The following MDM4 variants were observed in gnomAD, a reference collection of about 807,000 sequenced individuals.
MDM4 encodes the protein MDM4 regulator of p53, also known as protein Mdm4.
Under a neutral mutation model 60.2 loss-of-function variants are expected in MDM4, and 2 were observed. That is an observed-to-expected ratio of 0.03 (90% CI 0.01 to 0.10). The LOEUF (loss-of-function observed/expected upper bound fraction) is 0.10, where lower values mean the gene tolerates loss of function less well. Ranked by LOEUF, MDM4 falls within the 10% of genes least tolerant of loss-of-function variation. The pLI is 1.00. For synonymous variants in MDM4, 202 were observed against 198.1 expected (o/e 1.02, Z -0.17); for missense variants, 447 against 577.5 (o/e 0.77, Z 2.32).
chr1:204,546,246 A>G (rs1214752548), intron 9 of MDM4, among the ~76,000 whole-genome samples: 2 of 152,188 alleles, frequency 1.3e-5, no homozygotes, highest in Non-Finnish European at 2.9e-5. Context: ...TCTGTCACCC[A>G]GGCTGGAGTG....
chr1:204,519,915 T>C (rs1659389445), intron 1 of MDM4, among the ~76,000 whole-genome samples: 2 of 152,102 alleles, frequency 1.3e-5, no homozygotes, highest in South Asian at 4.2e-4. Flanking sequence ...TGAATTAGAA[T>C]TCTAGAAGGA....
Position 204,558,070 on chromosome 1 carries a change from A to C in MDM4, c.*8388A>C, listed in dbSNP as rs1158711540. ...GGTGTTTGCACTATGTAATGCTTTT[A>C]ATACTTTTTAATTGTGCTTTTTTAT... On this transcript the variant is annotated 3_prime_UTR_variant, in exon 11 of 11. Coordinates refer to ENST00000367182, the MANE Select transcript of MDM4 (RefSeq NM_002393.5). 5.5e-6 allele frequency: 1 copy of C among 182,610 alleles called. No homozygotes were observed. Among genetic ancestry groups the C allele is most frequent in the Non-Finnish European group, 1.2e-5 (1 of 85,990 alleles). 11.3% of individuals were successfully genotyped at this position (182,610 alleles called of 1,614,324 possible).
intron 5 of MDM4, among the ~76,000 whole-genome samples, chr1:204,536,486 A>G (rs1272207960): frequency 6.6e-6 from 1 of 152,210 alleles, no homozygotes; most frequent in East Asian, 1.9e-4. Flanking sequence ...AGCAGCCTTT[A>G]TCAGATGGTG....
At chr1:204,523,473 ATTTTT>A (rs60954516) in intron 1 of MDM4, among the ~76,000 whole-genome samples, 25 of 58,948 alleles carry the variant, frequency 4.2e-4, no homozygotes, top group African/African-American at 1.1e-3. Context: ...CCTAAAAAAA[ATTTTT>A]TTTTTTTTTT....
At chr1:204,541,960 G>A (rs189824740) in intron 7 of MDM4, among the ~76,000 whole-genome samples, 2 of 152,290 alleles carry the variant, frequency 1.3e-5, no homozygotes, top group African/African-American at 4.8e-5. Context: ...AAGTAAGAAA[G>A]GAGCAGTAGA....
chr1:204,526,289 G>A (rs979228172), intron 2 of MDM4, 71 bp from the exon 3 acceptor site: 1 of 1,335,246 alleles, frequency 7.5e-7, no homozygotes, highest in African/African-American at 1.5e-5. Flanking sequence ...GTTTAAAGAG[G>A]TTCTCTTGTT....
chr1:204,556,883 T>A lies in MDM4; in HGVS notation c.*7201T>A, dbSNP rs1571482624. 1 of 208,442 alleles carries A rather than the reference T, an allele frequency of 4.8e-6. No homozygotes were observed. Among genetic ancestry groups the A allele is most frequent in the African/African-American group, 2.3e-5 (1 of 43,888 alleles). 12.9% of individuals were successfully genotyped at this position (208,442 alleles called of 1,614,324 possible). A position where few individuals can be genotyped will look rare whatever the true frequency, so the allele number is the denominator to read the frequency against. On this transcript the variant is annotated 3_prime_UTR_variant, in exon 11 of 11. Coordinates refer to ENST00000367182, the MANE Select transcript of MDM4 (RefSeq NM_002393.5). ...TTGGCTTCCTCAGCACTTGGCAAGG[T>A]AGACCTCATAGCAACCTTGAATATG...
At chr1:204,523,007 C>G (rs748844959) in intron 1 of MDM4, among the ~76,000 whole-genome samples, 2 of 151,634 alleles carry the variant, frequency 1.3e-5, no homozygotes, top group African/African-American at 4.8e-5. Context: ...GGATTACATG[C>G]ATGTGCCACC....
intron 3 of MDM4, among the ~76,000 whole-genome samples, chr1:204,527,799 A>C (rs1394849239): frequency 2.0e-5 from 3 of 152,108 alleles, no homozygotes; most frequent in Non-Finnish European, 2.9e-5. Flanking sequence ...TAATGTTGGG[A>C]ACTGCTTTCA....
At chr1:204,519,541 G>A (rs1189789633) in intron 1 of MDM4, among the ~76,000 whole-genome samples, 1 of 152,114 alleles carries the variant, frequency 6.6e-6, no homozygotes. Context: ...GAAAAATACA[G>A]TGGTTGGATT....
At position 204,538,190 on chromosome 1, in the gene MDM4, C is replaced by A; in HGVS notation, c.412-19C>A. ...CAGTTATTTCTACTGCACTGATGGA[C>A]ACCTTTCCCTTCTTTCAGCAAAGTG... is the stretch of plus-strand genomic sequence containing the variant. On this transcript the variant is annotated intron_variant, in intron 6 of 10. Transcript: ENST00000367182. The A allele has an allele frequency of 1.4e-6, 2 of 1,414,218 alleles. No individual in the cohort carries two copies. Among genetic ancestry groups the A allele is most frequent in the Non-Finnish European group, 2.0e-6 (2 of 998,944 alleles). The allele number at this position is 1,414,218 out of a possible 1,614,324, so 87.6% of individuals were successfully genotyped here. A position where few individuals can be genotyped will look rare whatever the true frequency, so the allele number is the denominator to read the frequency against.
chr1:204,519,478 A>T (rs1558307527), intron 1 of MDM4, among the ~76,000 whole-genome samples: 2 of 152,176 alleles, frequency 1.3e-5, no homozygotes, highest in East Asian at 3.9e-4. Context: ...TTGCACTCCA[A>T]CCTGGGCAAC....
chr1:204,533,858 C>T (rs1443648982), intron 5 of MDM4, among the ~76,000 whole-genome samples: 2 of 150,324 alleles, frequency 1.3e-5, no homozygotes, highest in Non-Finnish European at 2.9e-5. Flanking sequence ...TCATAGTTCA[C>T]TGCAGCCTTT....
chr1:204,547,717 A>G (rs1662802438), intron 10 of MDM4, among the ~76,000 whole-genome samples: 1 of 152,202 alleles, frequency 6.6e-6, no homozygotes, highest in South Asian at 2.1e-4. Context: ...AATAACAGAG[A>G]TAAATGTTTC....
chr1:204,549,543 G>T lies in MDM4; in HGVS notation c.1334G>T (p.Arg445Leu). ...TGTAGCTTATGTGAGAAAAGACCAC[G>T]AGACGGGAACATTATTCATGGAAGG... ...KPCSLCEKRP[R>L]DGNIIHGRTG... Residue 445 changes from arginine to leucine, a missense_variant, in exon 11 of 11, where the codon CGA becomes CTA. Transcript: ENST00000367182. 1 of 1,613,646 alleles carries T rather than the reference G, an allele frequency of 6.2e-7. No homozygotes were observed. Among genetic ancestry groups the T allele is most frequent in the Non-Finnish European group, 8.5e-7 (1 of 1,179,910 alleles).
At chr1:204,521,661 A>G (rs974726244) in intron 1 of MDM4, among the ~76,000 whole-genome samples, 19 of 152,100 alleles carry the variant, frequency 1.2e-4, no homozygotes, top group African/African-American at 4.3e-4. Flanking sequence ...GCTGCATTCT[A>G]TTTATTAAGT....
rs2102419172 is a variant in MDM4 at position 204,542,852 on chromosome 1, G to A, written c.580G>A (p.Asp194Asn). Residue 194 changes from aspartate to asparagine, a missense_variant, in exon 8 of 11, where the codon GAT becomes AAT. By Grantham distance (23) the Asp-to-Asn change is conservative. Coordinates refer to ENST00000367182, the MANE Select transcript of MDM4 (RefSeq NM_002393.5). ...SRLDLGFEEWDVAGLPWWFLG... is the reference protein window; with the variant it reads ...SRLDLGFEEWNVAGLPWWFLG... Reference sequence around the variant, plus strand: ...GCTGGACCTTGGATTTGAGGAGTGGGATGTAGCTGGCCTGCCTTGGTGGTT... The same window carrying A: ...GCTGGACCTTGGATTTGAGGAGTGGAATGTAGCTGGCCTGCCTTGGTGGTT... 1 of 1,614,010 alleles carries A rather than the reference G, an allele frequency of 6.2e-7. No individual in the cohort carries two copies.
chr1:204,532,830 G>A, intron 5 of MDM4: 1 of 1,610,158 alleles, frequency 6.2e-7, no homozygotes, highest in African/African-American at 1.3e-5. Flanking sequence ...GTATCCTTGT[G>A]ATTTTGTTTA....
At position 204,552,536 on chromosome 1, in the gene MDM4, C is replaced by G. The variant is rs1663298130; in HGVS notation, c.*2854C>G. ...TGGGGGTTTCACTGTGTTGGCCAGG[C>G]TGGTCTCGAACTCCTGACCTCATGA... On this transcript the variant is annotated 3_prime_UTR_variant, in exon 11 of 11. Coordinates refer to ENST00000367182, the MANE Select transcript of MDM4 (RefSeq NM_002393.5). 1 of 161,298 alleles carries G rather than the reference C, an allele frequency of 6.2e-6. No individual in the cohort carries two copies. The highest frequency in any genetic ancestry group is 1.4e-5 in the Non-Finnish European group (1 of 73,410). The allele number at this position is 161,298 out of a possible 1,614,324, so 10.0% of individuals were successfully genotyped here.
Sources: gnomAD v4.1 joint callset for allele counts (sites outside exome capture counted in the v4.1 genomes callset) on GRCh38, gnomAD v4.1.1 for gene constraint, MANE v1.5 for transcripts, NCBI Gene and HGNC (gene_info 2026-07-23, HGNC 2026-07-21) for gene names.